Variants in PDCL2 observed in about 807,000 individuals in gnomAD.
The protein encoded by PDCL2 is phosducin-like protein 2.
Under a neutral mutation model 30.3 loss-of-function variants are expected in PDCL2, and 23 were observed. The observed-to-expected ratio is 0.76, with a 90% CI of 0.55 to 1.08. PDCL2 has a LOEUF of 1.08. Ranked by LOEUF, PDCL2 falls within the 50% of genes least tolerant of loss-of-function variation. The pLI, the probability that PDCL2 is intolerant of heterozygous loss-of-function variation, is 0.00. For missense variants in PDCL2, 243 were observed against 282.3 expected (o/e 0.86, Z 1.00); for synonymous variants, 68 against 86.2 (o/e 0.79, Z 1.17).
In PDCL2 at chr4:55,569,705, T is replaced by C; in HGVS notation, c.362+13A>G. The C allele has an allele frequency of 1.3e-6, 2 of 1,491,014 alleles. No individual in the cohort carries two copies. The highest frequency in any genetic ancestry group is 1.4e-5 in the South Asian group (1 of 73,408). 92.4% of individuals were successfully genotyped at this position (1,491,014 alleles called of 1,614,324 possible). On this transcript the variant is annotated intron_variant, in intron 4 of 5. Transcript: ENST00000295645. The stretch of plus-strand genomic sequence containing the variant: ...AGTAGTATATTAACATTTTGAAATA[T>C]TATGGTAATTACCTTGATCTGTATA...
intron 3 of PDCL2, among the ~76,000 whole-genome samples, chr4:55,572,160 C>G (rs1168751344): frequency 3.9e-5 from 6 of 152,228 alleles, no homozygotes; most frequent in Admixed American, 3.3e-4. Flanking sequence ...ATTAGAAGTT[C>G]AAACAGTGTT....
At chr4:55,584,102 A>C (rs1019671082) in intron 1 of PDCL2, among the ~76,000 whole-genome samples, 15 of 152,248 alleles carry the variant, frequency 9.9e-5, no homozygotes, top group African/African-American at 2.6e-4. Flanking sequence ...TATCATTTTC[A>C]GTCTATGAAT....
Position 55,592,225 on chromosome 4 carries a change from T to G in PDCL2, c.-116A>C. 5.1e-4 allele frequency: 748 copies of G among 1,463,858 alleles called. No individual in the cohort carries two copies. Among genetic ancestry groups the G allele is most frequent in the Non-Finnish European group, 6.4e-4 (684 of 1,076,734 alleles). The allele number at this position is 1,463,858 out of a possible 1,614,324, so 90.7% of individuals were successfully genotyped here. On this transcript the variant is annotated 5_prime_UTR_variant, in exon 1 of 6. Transcript: ENST00000295645. ...GAGCGCCCGCTTCAGGCCCGGCGGT[T>G]TCGAGTGACCGCCAGAAGAGGGAGA...
chr4:55,582,619 T>A (rs914953957), intron 1 of PDCL2, among the ~76,000 whole-genome samples: 2 of 152,184 alleles, frequency 1.3e-5, no homozygotes, highest in East Asian at 3.9e-4. Context: ...TTCTTTTTTT[T>A]ATTATACTTT....
At chr4:55,560,029 A>G (rs1207724549) in intron 5 of PDCL2, among the ~76,000 whole-genome samples, 1 of 152,156 alleles carries the variant, frequency 6.6e-6, no homozygotes, top group African/African-American at 2.4e-5. Flanking sequence ...AGATGAAAAA[A>G]CTTCTGGCGA....
intron 5 of PDCL2, among the ~76,000 whole-genome samples, chr4:55,560,151 A>T (rs1421445908): frequency 7.0e-6 from 1 of 141,956 alleles, no homozygotes; most frequent in East Asian, 2.3e-4. Flanking sequence ...TGTTTAAAAT[A>T]TACCAATAAA....
intron 4 of PDCL2, among the ~76,000 whole-genome samples, chr4:55,567,142 T>C (rs1732288662): frequency 6.6e-6 from 1 of 152,298 alleles, no homozygotes; most frequent in South Asian, 2.1e-4. Flanking sequence ...GTTAACCAAA[T>C]AAATAGTATA....
In PDCL2 at chr4:55,582,160, A is replaced by G; in HGVS notation, c.84T>C (p.Asp28=). The G allele has an allele frequency of 5.6e-6, 9 of 1,613,176 alleles. No homozygotes were observed. The highest frequency in any genetic ancestry group is 6.8e-6 in the Non-Finnish European group (8 of 1,179,648). ...GILPPKEESK[D]EIEEMVLRLQ... ...AACGTAAAACCATTTCTTCAATTTCATCTTTTGACTCTTCTTTAGGAGGAA... is the reference window on the plus strand; with the variant it reads ...AACGTAAAACCATTTCTTCAATTTCGTCTTTTGACTCTTCTTTAGGAGGAA... The change falls in exon 2 of 6, where the codon GAT becomes GAC. Residue 28 remains aspartate (D), a synonymous_variant. Coordinates refer to ENST00000295645, the MANE Select transcript of PDCL2 (RefSeq NM_152401.3).
chr4:55,573,891 TTTTTTGTTTG>T (rs869289345), intron 3 of PDCL2, among the ~76,000 whole-genome samples: 2,777 of 18,308 alleles, frequency 0.15, 73 homozygotes, highest in African/African-American at 0.38. Context: ...TTTTTGTTTG[TTTTTTGTTTG>T]TTTTTTTTTT....
chr4:55,565,517 A>G (rs1404999319), intron 4 of PDCL2, among the ~76,000 whole-genome samples: 1 of 152,156 alleles, frequency 6.6e-6, no homozygotes. Context: ...GTCAGATCTC[A>G]TGAGAACTCA....
intron 3 of PDCL2, among the ~76,000 whole-genome samples, chr4:55,571,840 A>T (rs1185857375): frequency 6.6e-6 from 1 of 151,470 alleles, no homozygotes; most frequent in Non-Finnish European, 1.5e-5. Flanking sequence ...ATAGTTTTCA[A>T]ATTGAAGTCC....
chr4:55,579,320 GT>G (rs964987049), intron 3 of PDCL2, among the ~76,000 whole-genome samples: 3 of 151,496 alleles, frequency 2.0e-5, no homozygotes, highest in African/African-American at 7.3e-5. Context: ...GTATTTATTT[GT>G]TTTTTGTTTG....
In PDCL2 at chr4:55,582,217, T is replaced by G. The variant is rs150416581; in HGVS notation, c.27A>C (p.Glu9Asp). Residue 9 changes from glutamate (E) to aspartate (D), a missense_variant, in exon 2 of 6, where the codon GAA becomes GAC. Physicochemically the swap from Glu to Asp is conservative, Grantham distance 45 (BLOSUM62 2). Coordinates refer to ENST00000295645, the MANE Select transcript of PDCL2 (RefSeq NM_152401.3). MQDPNEDTEWNDILRDFGI... is the reference protein window; with the variant it reads MQDPNEDTDWNDILRDFGI... ...CGAAATCTCTTAAAATGTCATTCCA[T>G]TCTGTATCTTCATTGGGATCCTACA... 1.2e-6 allele frequency: 2 copies of G among 1,608,160 alleles called. No individual in the cohort carries two copies. Among genetic ancestry groups the G allele is most frequent in the African/African-American group, 2.7e-5 (2 of 74,864 alleles).
intron 1 of PDCL2, among the ~76,000 whole-genome samples, chr4:55,591,837 G>A (rs987955384): frequency 6.6e-6 from 1 of 152,192 alleles, no homozygotes; most frequent in African/African-American, 2.4e-5. Flanking sequence ...AGATTTCTAT[G>A]ATTTTGGTGT....
chr4:55,565,977 T>TG (rs1732255819), intron 4 of PDCL2, among the ~76,000 whole-genome samples: 2 of 127,382 alleles, frequency 1.6e-5, no homozygotes, highest in African/African-American at 3.2e-5. Flanking sequence ...TTTTCTGTTT[T>TG]TTTTTTTTTT....
chr4:55,583,238 G>C (rs1732773505), intron 1 of PDCL2, among the ~76,000 whole-genome samples: 1 of 151,934 alleles, frequency 6.6e-6, no homozygotes, highest in African/African-American at 2.4e-5. Context: ...CAAACTGCTG[G>C]GATTATCTTT....
intron 1 of PDCL2, among the ~76,000 whole-genome samples, chr4:55,587,216 T>TAAAAAAAAAAAAAAAAAAAAA (rs869107656): frequency 6.4e-5 from 4 of 62,818 alleles, no homozygotes; most frequent in African/African-American, 3.0e-4. Flanking sequence ...GACAGAATAG[T>TAAAAAAAAAAAAAAAAAAAAA]AAAAAAAAAA....
chr4:55,587,312 T>C (rs989469953), intron 1 of PDCL2, among the ~76,000 whole-genome samples: 1 of 150,074 alleles, frequency 6.7e-6, no homozygotes, highest in African/African-American at 2.5e-5. Context: ...GGAAGGAGAC[T>C]TCATGGCCTA....
chr4:55,584,482 C>T (rs1340461832), intron 1 of PDCL2, among the ~76,000 whole-genome samples: 3 of 152,124 alleles, frequency 2.0e-5, no homozygotes, highest in African/African-American at 7.2e-5. Flanking sequence ...GTCTCGAACT[C>T]CTGGCTGCAA....
Sources: gnomAD v4.1 joint callset for allele counts (sites outside exome capture counted in the v4.1 genomes callset) on GRCh38, gnomAD v4.1.1 for gene constraint, MANE v1.5 for transcripts, NCBI Gene and HGNC (gene_info 2026-07-23, HGNC 2026-07-21) for gene names.